Variants in CDC42 observed in about 807,000 individuals in gnomAD.
CDC42 encodes cell division cycle 42, also known as cell division control protein 42 homolog.
In CDC42, 1 loss-of-function variant was observed where a neutral mutation model predicts 20.8. The observed-to-expected ratio is 0.05, with a 90% CI of 0.02 to 0.23. The LOEUF is 0.23. Ranked by LOEUF, CDC42 falls within the 10% of genes least tolerant of loss-of-function variation. The pLI is 1.00. For synonymous variants in CDC42, 72 were observed against 84.8 expected, an observed-to-expected ratio of 0.85 and a Z score of 0.83; for missense variants, 49 against 227.9, an observed-to-expected ratio of 0.21 and a Z score of 5.05.
intron 1 of CDC42, among the ~76,000 whole-genome samples, chr1:22,073,342 G>T (rs1451073401): frequency 3.3e-5 from 5 of 151,930 alleles, no homozygotes; most frequent in Non-Finnish European, 7.4e-5. Context: ...TTTGAGACCA[G>T]CCTGGCCAAT....
intron 1 of CDC42, among the ~76,000 whole-genome samples, chr1:22,073,758 A>G (rs976600650): frequency 4.6e-5 from 7 of 151,978 alleles, no homozygotes; most frequent in South Asian, 2.1e-4. Flanking sequence ...GACTCAAGCA[A>G]TCCTCCCACC....
At chr1:22,082,881 A>T (rs2865189) in intron 3 of CDC42, among the ~76,000 whole-genome samples, 138,828 of 146,882 alleles carry the variant, frequency 0.95, 65,705 homozygotes, top group East Asian at 1. Context: ...GAAAATTTTT[A>T]TTTTTTTTTT....
At chr1:22,091,334 C>T in intron 5 of CDC42, 94 bp from the exon 6 acceptor site, 1 of 737,296 alleles carries the variant, frequency 1.4e-6, no homozygotes, top group Non-Finnish European at 2.3e-6. Context: ...TCTTTCTTTG[C>T]CAACTCTTGG....
In CDC42 at chr1:22,061,524, GTTTCTTTC is replaced by G. The variant is rs199532474; in HGVS notation, c.-51+8786_-51+8793del. ...AGACGGTCAATCAGTTTAACTTCATGTTTCTTTCTTTTTTTTTTTTTTTTTTTTTTTTT... is the reference window on the plus strand; with the variant it reads ...AGACGGTCAATCAGTTTAACTTCATGTTTTTTTTTTTTTTTTTTTTTTTTT... On this transcript the variant is annotated intron_variant, in intron 1 of 5. Transcript: ENST00000656825. 8.1e-4 allele frequency among the ~76,000 whole-genome samples: 33 copies of G among 40,638 alleles called. 1 individual carries two copies. The highest frequency in any genetic ancestry group is 2.1e-3 in the Admixed American group (7 of 3,296). The allele number at this position is 40,638 out of a possible 152,430, so 26.7% of individuals were successfully genotyped here.
intron 1 of CDC42, among the ~76,000 whole-genome samples, chr1:22,070,385 C>T (rs1330777268): frequency 6.7e-6 from 1 of 149,288 alleles, no homozygotes; most frequent in African/African-American, 2.5e-5. Flanking sequence ...GTATTTTTAC[C>T]TTTCTCAGCA....
intron 1 of CDC42, among the ~76,000 whole-genome samples, chr1:22,072,992 T>C (rs1645508802): frequency 1.3e-5 from 2 of 152,210 alleles, no homozygotes; most frequent in Non-Finnish European, 2.9e-5. Flanking sequence ...TTAAGGTTGC[T>C]GTCTCTCTGT....
At chr1:22,074,503 T>A (rs1232935667) in intron 1 of CDC42, among the ~76,000 whole-genome samples, 1 of 152,178 alleles carries the variant, frequency 6.6e-6, no homozygotes, top group Non-Finnish European at 1.5e-5. Context: ...TTATATATAT[T>A]GTAAAACCCA....
At position 22,054,891 on chromosome 1, in the gene CDC42, G is replaced by GTATATATATATA. The variant is rs1157685736; in HGVS notation, c.-51+2169_-51+2180dup. Among the ~76,000 whole-genome samples, 95 of 71,866 alleles carry GTATATATATATA rather than the reference G, an allele frequency of 1.3e-3. 1 individual carries two copies. Among genetic ancestry groups the GTATATATATATA allele is most frequent in the African/African-American group, 2.1e-3 (37 of 17,526 alleles). 47.1% of individuals were successfully genotyped at this position (71,866 alleles called of 152,430 possible). A position where few individuals can be genotyped will look rare whatever the true frequency, so the allele number is the denominator to read the frequency against. Reference sequence around the variant, plus strand: ...GAAAGTAACAGTAGTTTGAATTTATGTATATATATATATATATATATATAT... The same window carrying GTATATATATATA: ...GAAAGTAACAGTAGTTTGAATTTATGTATATATATATATATATATATATATATATATATATAT... On this transcript the variant is annotated intron_variant, in intron 1 of 5. Coordinates refer to ENST00000656825, the MANE Select transcript of CDC42 (RefSeq NM_001791.4).
At chr1:22,071,551 T>C (rs556720512) in intron 1 of CDC42, among the ~76,000 whole-genome samples, 12 of 152,314 alleles carry the variant, frequency 7.9e-5, no homozygotes, top group African/African-American at 2.9e-4. Context: ...GTTTAAAAAA[T>C]TGTACGTTAG....
At position 22,093,406 on chromosome 1, in the gene CDC42, C is replaced by T. The variant is rs1645734784; in HGVS notation, c.*1889C>T. ...GGAATCACCACACCTAGTTGGTTAT[C>T]TCAAACTACTACTATCAGAATACAG... On this transcript the variant is annotated 3_prime_UTR_variant, in exon 6 of 6. Transcript: ENST00000656825. Among the ~76,000 whole-genome samples, 1 of 152,210 alleles carries T rather than the reference C, an allele frequency of 6.6e-6. No homozygotes were observed. The highest frequency in any genetic ancestry group is 1.5e-5 in the Non-Finnish European group (1 of 68,032).
intron 3 of CDC42, among the ~76,000 whole-genome samples, chr1:22,082,048 A>G (rs1452070934): frequency 1.3e-5 from 2 of 152,150 alleles, no homozygotes; most frequent in Non-Finnish European, 2.9e-5. Context: ...TGCATCATAC[A>G]AGCTCCAAAT....
Position 22,098,040 on chromosome 1 carries a change from G to A in CDC42, c.*6523G>A, listed in dbSNP as rs1338211780. 1.3e-5 allele frequency among the ~76,000 whole-genome samples: 2 copies of A among 151,976 alleles called. No homozygotes were observed. The highest frequency in any genetic ancestry group is 2.4e-5 in the African/African-American group (1 of 41,380). On this transcript the variant is annotated 3_prime_UTR_variant, in exon 6 of 6. Coordinates refer to ENST00000656825, the MANE Select transcript of CDC42 (RefSeq NM_001791.4). ...ATAACTGTTCTGTTTGCTCTGATGCGTCCCGCAGAGCAGTGCTTTTTCTCG... is the reference window on the plus strand; with the variant it reads ...ATAACTGTTCTGTTTGCTCTGATGCATCCCGCAGAGCAGTGCTTTTTCTCG...
At chr1:22,086,098 G>A (rs924333357) in intron 3 of CDC42, among the ~76,000 whole-genome samples, 1 of 152,024 alleles carries the variant, frequency 6.6e-6, no homozygotes, top group African/African-American at 2.4e-5. Flanking sequence ...CGCCTGTCTC[G>A]GCCTCCCAAA....
At chr1:22,066,139 A>C (rs1008307150) in intron 1 of CDC42, among the ~76,000 whole-genome samples, 14 of 152,132 alleles carry the variant, frequency 9.2e-5, no homozygotes, top group African/African-American at 3.4e-4. Flanking sequence ...TATACTGTTC[A>C]GTATTGTATT....
chr1:22,078,612 A>G, intron 2 of CDC42, 29 bp downstream of exon 2: 1 of 1,570,408 alleles, frequency 6.4e-7, no homozygotes, highest in Non-Finnish European at 8.7e-7. Context: ...TTCTGTTAGT[A>G]AAATGTTGTA....
At chr1:22,082,570 C>T (rs1215531795) in intron 3 of CDC42, among the ~76,000 whole-genome samples, 2 of 152,132 alleles carry the variant, frequency 1.3e-5, no homozygotes, top group African/African-American at 4.8e-5. Context: ...AGAAAGATAT[C>T]CTTTAGAGTA....
chr1:22,080,966 T>G (rs991837419), intron 2 of CDC42, among the ~76,000 whole-genome samples: 1 of 152,116 alleles, frequency 6.6e-6, no homozygotes, highest in Non-Finnish European at 1.5e-5. Flanking sequence ...GTCAGGAGTT[T>G]GAGACCAGCC....
intron 3 of CDC42, among the ~76,000 whole-genome samples, chr1:22,084,607 T>A (rs1332588996): frequency 6.6e-6 from 1 of 152,086 alleles, no homozygotes; most frequent in Non-Finnish European, 1.5e-5. Context: ...TTTTTTCCTA[T>A]TTTGTGGGTT....
At chr1:22,085,615 T>G (rs532253899) in intron 3 of CDC42, among the ~76,000 whole-genome samples, 1 of 152,360 alleles carries the variant, frequency 6.6e-6, no homozygotes, top group Admixed American at 6.5e-5. Flanking sequence ...AATTTTTTTG[T>G]TATCCAAGTC....
Sources: allele counts gnomAD v4.1 joint callset (sites outside exome capture counted in the v4.1 genomes callset), GRCh38; gene constraint gnomAD v4.1.1; transcripts MANE v1.5; gene names NCBI Gene and HGNC (gene_info 2026-07-23, HGNC 2026-07-21).